The following MTDH variants were observed in gnomAD, a reference collection of about 807,000 sequenced individuals.
The protein encoded by MTDH is metadherin.
MTDH carries 34 observed loss-of-function variants against 72.7 expected under a neutral mutation model. The ratio of observed to expected loss-of-function variants is 0.47; its 90% CI spans 0.36 to 0.62. The LOEUF (loss-of-function observed/expected upper bound fraction) is 0.62, where lower values mean the gene tolerates loss of function less well. Among genes scored for constraint, MTDH ranks in the 20% least tolerant of loss-of-function variants. The pLI is 0.00. For synonymous variants in MTDH, 266 were observed against 268.9 expected (o/e 0.99, Z 0.10); for missense variants, 677 against 699.4 (o/e 0.97, Z 0.36).
chr8:97,727,515 C>T lies in MTDH; in HGVS notation c.*2845C>T, dbSNP rs1389648846. On this transcript the variant is annotated 3_prime_UTR_variant, in exon 12 of 12. Transcript: ENST00000336273. ...ATCTCAAAAAAAAAAAAGTTTCTGG[C>T]ACCTGAACAGGAACTGGTTTCCATC... The T allele has an allele frequency of 8.5e-6, 1 of 117,484 alleles. No homozygotes were observed. The highest frequency in any genetic ancestry group is 1.8e-5 in the Non-Finnish European group (1 of 56,120). 7.3% of individuals were successfully genotyped at this position (117,484 alleles called of 1,614,324 possible). A position where few individuals can be genotyped will look rare whatever the true frequency, so the allele number is the denominator to read the frequency against.
chr8:97,644,878 G>C lies in MTDH; in HGVS notation c.372G>C (p.Glu124Asp). 3 of 1,556,582 alleles carry C rather than the reference G, an allele frequency of 1.9e-6. No homozygotes were observed. The highest frequency in any genetic ancestry group is 2.6e-6 in the Non-Finnish European group (3 of 1,162,008). Reference sequence around the variant, plus strand: ...AGAAGAACCGGAAGAAACTGTCCGAGAAGCCCAAAGTGAGTATGGGATGAG... The same window carrying C: ...AGAAGAACCGGAAGAAACTGTCCGACAAGCCCAAAGTGAGTATGGGATGAG... ...QKKKNRKKLS[E>D]KPKPNGRTVE... is the part of the protein sequence containing the mutation. The change falls in exon 1 of 12, where the codon GAG becomes GAC. Residue 124 changes from glutamate (E) to aspartate (D), a missense_variant. Transcript: ENST00000336273.
intron 1 of MTDH, among the ~76,000 whole-genome samples, chr8:97,653,236 T>G (rs1189902459): frequency 3.9e-5 from 6 of 152,192 alleles, no homozygotes; most frequent in African/African-American, 1.4e-4. Flanking sequence ...ATTAACTGAC[T>G]TATTCAAGGT....
At chr8:97,682,865 C>T (rs935545586) in intron 2 of MTDH, among the ~76,000 whole-genome samples, 4 of 151,512 alleles carry the variant, frequency 2.6e-5, no homozygotes, top group African/African-American at 7.3e-5. Context: ...GTCCATATGA[C>T]GGGTGGGGAA....
chr8:97,706,407 A>G (rs1446070338), intron 7 of MTDH: 1 of 290,994 alleles, frequency 3.4e-6, no homozygotes, highest in East Asian at 6.0e-5. Context: ...ATTTTCTGGA[A>G]TTTCTTAGAA....
chr8:97,698,532 AAAAAC>A (rs1813967726), intron 6 of MTDH, among the ~76,000 whole-genome samples: 2 of 152,224 alleles, frequency 1.3e-5, no homozygotes, highest in South Asian at 4.1e-4. Context: ...TCACCTGAGA[AAAAAC>A]AAAAACAGAC....
chr8:97,724,675 T>G lies in MTDH; in HGVS notation c.*5T>G. The stretch of plus-strand genomic sequence containing the variant: ...AAAGCCAGACGAGAAACGTGAAATT[T>G]TTTTTCCTGAATTGGACATGTGTTT... On this transcript the variant is annotated 3_prime_UTR_variant, in exon 12 of 12. Transcript: ENST00000336273. The G allele has an allele frequency of 6.3e-7, 1 of 1,589,734 alleles. No homozygotes were observed. Among genetic ancestry groups the G allele is most frequent in the Non-Finnish European group, 8.5e-7 (1 of 1,172,956 alleles).
In MTDH at chr8:97,691,148, G is replaced by A; in HGVS notation, c.1008G>A (p.Trp336Ter). The A allele has an allele frequency of 6.2e-7, 1 of 1,613,824 alleles. No homozygotes were observed. The highest frequency in any genetic ancestry group is 8.5e-7 in the Non-Finnish European group (1 of 1,179,820). Residue 336 changes from tryptophan to a stop codon, truncating the protein, a stop_gained, in exon 6 of 12, where the codon TGG becomes TGA. Transcript: ENST00000336273. LOFTEE classifies it high-confidence loss of function. Reference protein sequence around the residue: ...TGDANTNGKDWGRSWSDRSIF... With the variant: ...TGDANTNGKD ...ATGCTAATACAAATGGAAAAGACTG[G>A]GGAAGGAGTTGGAGTGACCGTTCAA...
At chr8:97,703,138 A>T (rs78806906) in intron 7 of MTDH, among the ~76,000 whole-genome samples, 3,823 of 152,256 alleles carry the variant, frequency 0.025, 106 homozygotes, top group African/African-American at 0.061. Flanking sequence ...GCCAAGGTGC[A>T]AGGATTTCTT....
At chr8:97,708,529 A>G (rs149211171) in intron 8 of MTDH, among the ~76,000 whole-genome samples, 20,731 of 89,042 alleles carry the variant, frequency 0.23, 3,044 homozygotes, top group African/African-American at 0.44. Context: ...TGATCCACCC[A>G]CCTCGGCCTC....
Position 97,725,315 on chromosome 8 carries a change from C to T in MTDH, c.*645C>T, listed in dbSNP as rs1815311211. On this transcript the variant is annotated 3_prime_UTR_variant, in exon 12 of 12. Coordinates refer to ENST00000336273, the MANE Select transcript of MTDH (RefSeq NM_178812.4). ...GGCTTATGAAGTTATTTTTGATAGTCTTACATTACTTGAATTGTTCAAAGT... is the reference window on the plus strand; with the variant it reads ...GGCTTATGAAGTTATTTTTGATAGTTTTACATTACTTGAATTGTTCAAAGT... The T allele has an allele frequency of 6.6e-6, 1 of 152,472 alleles. No individual in the cohort carries two copies. The highest frequency in any genetic ancestry group is 2.1e-4 in the South Asian group (1 of 4,820). The allele number at this position is 152,472 out of a possible 1,614,324, so 9.4% of individuals were successfully genotyped here. A position where few individuals can be genotyped will look rare whatever the true frequency, so the allele number is the denominator to read the frequency against.
At chr8:97,698,202 C>G (rs894060048) in intron 6 of MTDH, among the ~76,000 whole-genome samples, 6 of 152,154 alleles carry the variant, frequency 3.9e-5, no homozygotes, top group African/African-American at 1.4e-4. Context: ...TCTTTTCTTC[C>G]TAACCATTTC....
intron 11 of MTDH, among the ~76,000 whole-genome samples, chr8:97,723,786 CTTAAG>C (rs1480475991): frequency 6.6e-6 from 1 of 151,024 alleles, no homozygotes; most frequent in African/African-American, 2.4e-5. Context: ...CGTTTGTCTA[CTTAAG>C]TTGTGAAGGC....
rs192785099 is a variant in MTDH at position 97,650,112 on chromosome 8, A to G, written c.381+5225A>G. The stretch of plus-strand genomic sequence containing the variant: ...GCTGGGACTACAGGCGCCCACCACC[A>G]TGCCCAGCTAATTTTTTGTATTTTT... On this transcript the variant is annotated intron_variant, in intron 1 of 11. Coordinates refer to ENST00000336273, the MANE Select transcript of MTDH (RefSeq NM_178812.4). Among the ~76,000 whole-genome samples the G allele has an allele frequency of 5.4e-3, 811 of 151,450 alleles. 42 individuals are homozygous for G. In the South Asian group the frequency reaches 0.1, roughly 19 times the overall value.
intron 6 of MTDH, among the ~76,000 whole-genome samples, chr8:97,698,187 A>G (rs1482883293): frequency 6.6e-6 from 1 of 152,222 alleles, no homozygotes; most frequent in Non-Finnish European, 1.5e-5. Context: ...TATACTAACC[A>G]AGTATCTTTT....
intron 4 of MTDH, among the ~76,000 whole-genome samples, chr8:97,688,780 C>T (rs1188879980): frequency 6.6e-6 from 1 of 152,140 alleles, no homozygotes; most frequent in Admixed American, 6.5e-5. Flanking sequence ...GAATAGCAAA[C>T]TCTGTCTGTA....
chr8:97,690,161 T>G (rs1481424960), intron 5 of MTDH, among the ~76,000 whole-genome samples: 1 of 152,076 alleles, frequency 6.6e-6, no homozygotes, highest in Non-Finnish European at 1.5e-5. Flanking sequence ...CTGGCTAATT[T>G]TGTGTTTTTA....
At chr8:97,649,994 C>T (rs1020103178) in intron 1 of MTDH, among the ~76,000 whole-genome samples, 3 of 150,556 alleles carry the variant, frequency 2.0e-5, no homozygotes, top group Non-Finnish European at 3.0e-5. Context: ...GTCACTCTGT[C>T]GCCCAGGCTG....
At chr8:97,712,725 G>A (rs1385875430) in intron 8 of MTDH, among the ~76,000 whole-genome samples, 1 of 152,216 alleles carries the variant, frequency 6.6e-6, no homozygotes, top group Non-Finnish European at 1.5e-5. Context: ...AGTTCTGATA[G>A]GTGTACAGTG....
intron 10 of MTDH, 26 bp downstream of exon 10, chr8:97,719,215 C>A: frequency 1.9e-6 from 3 of 1,608,196 alleles, no homozygotes; most frequent in Non-Finnish European, 1.7e-6. Flanking sequence ...AATAAAGTTG[C>A]CGGGCGCAGT....
Sources: gnomAD v4.1 joint callset for allele counts (sites outside exome capture counted in the v4.1 genomes callset) on GRCh38, gnomAD v4.1.1 for gene constraint, MANE v1.5 for transcripts, NCBI Gene and HGNC (gene_info 2026-07-23, HGNC 2026-07-21) for gene names.